ASTN2: variants seen among roughly 807,000 people sequenced by gnomAD.
The protein encoded by ASTN2 is astrotactin 2, also known as astrotactin-2.
In ASTN2, 54 loss-of-function variants were observed where a neutral mutation model predicts 139.8. The ratio of observed to expected loss-of-function variants is 0.39; its 90% CI spans 0.31 to 0.48. The LOEUF (loss-of-function observed/expected upper bound fraction) is 0.48. Ranked by LOEUF, ASTN2 falls within the 20% of genes least tolerant of loss-of-function variation. The pLI is 0.95. For synonymous variants in ASTN2, 756 were observed against 719.5 expected, an observed-to-expected ratio of 1.05 and a Z score of -0.81; for missense variants, 1,565 against 1,725.1, an observed-to-expected ratio of 0.91 and a Z score of 1.64.
chr9:116,656,224 T>A (rs528239461), intron 16 of ASTN2, among the ~76,000 whole-genome samples: 1 of 152,318 alleles, frequency 6.6e-6, no homozygotes, highest in Non-Finnish European at 1.5e-5. Flanking sequence ...TAAACATACA[T>A]AACCTGTGCT....
chr9:116,462,513 C>A (rs1848518097), intron 20 of ASTN2, among the ~76,000 whole-genome samples: 1 of 152,110 alleles, frequency 6.6e-6, no homozygotes, highest in Non-Finnish European at 1.5e-5. Context: ...AGGAGAATTT[C>A]TTGCCTTACA....
At chr9:117,151,193 A>T (rs1025906792) in intron 3 of ASTN2, among the ~76,000 whole-genome samples, 1 of 152,080 alleles carries the variant, frequency 6.6e-6, no homozygotes, top group Non-Finnish European at 1.5e-5. Context: ...AGTAACAAAA[A>T]TCTTAAACCA....
chr9:116,763,107 C>A (rs1318115652), intron 13 of ASTN2, among the ~76,000 whole-genome samples: 1 of 152,134 alleles, frequency 6.6e-6, no homozygotes, highest in East Asian at 1.9e-4. Context: ...CTGAGGACCC[C>A]CAATAATCAT....
intron 3 of ASTN2, among the ~76,000 whole-genome samples, chr9:117,162,283 C>G (rs915844122): frequency 1.3e-5 from 2 of 152,146 alleles, no homozygotes; most frequent in East Asian, 3.9e-4. Flanking sequence ...GCTCTCTTGG[C>G]AAGTGTAGAG....
chr9:116,765,853 A>G (rs1424781900), intron 13 of ASTN2, among the ~76,000 whole-genome samples: 1 of 152,210 alleles, frequency 6.6e-6, no homozygotes, highest in Non-Finnish European at 1.5e-5. Context: ...GAAGGTGGTC[A>G]CCAGCATATG....
chr9:117,349,136 C>G (rs2130877144), intron 1 of ASTN2, among the ~76,000 whole-genome samples: 1 of 152,280 alleles, frequency 6.6e-6, no homozygotes, highest in Middle Eastern at 3.4e-3. Flanking sequence ...TCCTCAAATC[C>G]AAACGGTATG....
At chr9:116,432,540 C>T (rs1480573223) in intron 22 of ASTN2, among the ~76,000 whole-genome samples, 1 of 152,194 alleles carries the variant, frequency 6.6e-6, no homozygotes, top group Non-Finnish European at 1.5e-5. Flanking sequence ...ATATAAATAA[C>T]TGGGCCAATA....
chr9:116,573,297 G>C (rs188612639), intron 19 of ASTN2, among the ~76,000 whole-genome samples: 4 of 152,158 alleles, frequency 2.6e-5, no homozygotes, highest in African/African-American at 9.7e-5. Context: ...CCAATTGGTC[G>C]AAAGTGTGTT....
intron 17 of ASTN2, among the ~76,000 whole-genome samples, chr9:116,641,614 G>A (rs1397697660): frequency 1.3e-5 from 2 of 152,012 alleles, no homozygotes; most frequent in Non-Finnish European, 2.9e-5. Flanking sequence ...TTTTTTTATT[G>A]CATGTAATAA....
At chr9:116,483,876 G>A (rs543468407) in intron 20 of ASTN2, among the ~76,000 whole-genome samples, 1 of 152,334 alleles carries the variant, frequency 6.6e-6, no homozygotes, top group East Asian at 1.9e-4. Flanking sequence ...CCCAGAGGCA[G>A]AAGTAGTAGC....
chr9:116,508,353 A>C (rs547697919), intron 19 of ASTN2, among the ~76,000 whole-genome samples: 2 of 152,244 alleles, frequency 1.3e-5, no homozygotes, highest in African/African-American at 4.8e-5. Flanking sequence ...CATTGTCATC[A>C]CCTCACCCAG....
chr9:116,664,031 C>T (rs1284033265), intron 16 of ASTN2, among the ~76,000 whole-genome samples: 3 of 152,288 alleles, frequency 2.0e-5, no homozygotes, highest in East Asian at 1.9e-4. Context: ...TCTGTTGCTT[C>T]TGCCCATTAC....
At chr9:117,372,526 A>G (rs1027819284) in intron 1 of ASTN2, among the ~76,000 whole-genome samples, 2 of 152,144 alleles carry the variant, frequency 1.3e-5, no homozygotes, top group African/African-American at 2.4e-5. Context: ...TAGGTAACTC[A>G]CTTCATCTCA....
intron 5 of ASTN2, among the ~76,000 whole-genome samples, chr9:117,048,536 C>A (rs1454536127): frequency 6.6e-6 from 1 of 152,132 alleles, no homozygotes; most frequent in East Asian, 1.9e-4. Flanking sequence ...TGGCAGCTGA[C>A]ATGGAATGGG....
At chr9:116,985,750 G>C (rs115805917) in intron 7 of ASTN2, among the ~76,000 whole-genome samples, 4,614 of 152,266 alleles carry the variant, frequency 0.03, 222 homozygotes, top group African/African-American at 0.1. Context: ...TTCAGCTGAT[G>C]AACACAGGAC....
At chr9:117,332,755 G>A (rs1212333727) in intron 1 of ASTN2, among the ~76,000 whole-genome samples, 1 of 152,146 alleles carries the variant, frequency 6.6e-6, no homozygotes, top group Non-Finnish European at 1.5e-5. Context: ...GCTACCTAAT[G>A]TCCATCATCT....
At chr9:117,040,901 C>T (rs10983468) in intron 5 of ASTN2, among the ~76,000 whole-genome samples, 7,220 of 152,260 alleles carry the variant, frequency 0.047, 252 homozygotes, top group South Asian at 0.11. Flanking sequence ...CAAGCGTTTA[C>T]TGAGCAGCTA....
intron 7 of ASTN2, among the ~76,000 whole-genome samples, chr9:116,997,521 A>G (rs1171738705): frequency 6.6e-6 from 1 of 151,990 alleles, no homozygotes; most frequent in Non-Finnish European, 1.5e-5. Context: ...TGTCCAAAGG[A>G]TTCATGCCTG....
chr9:117,010,408 G>T (rs2132590747), intron 6 of ASTN2, among the ~76,000 whole-genome samples: 1 of 152,290 alleles, frequency 6.6e-6, no homozygotes, highest in South Asian at 2.1e-4. Flanking sequence ...AAGACTGAAA[G>T]ATGGATATTG....
Sources: gnomAD v4.1 joint callset for allele counts (sites outside exome capture counted in the v4.1 genomes callset) on GRCh38, gnomAD v4.1.1 for gene constraint, MANE v1.5 for transcripts, NCBI Gene and HGNC (gene_info 2026-07-23, HGNC 2026-07-21) for gene names.